Variants in BRIP1 observed in about 807,000 individuals in gnomAD.
The protein encoded by BRIP1 is Fanconi anemia group J protein.
Under a neutral mutation model 119.7 loss-of-function variants are expected in BRIP1, and 88 were observed. The ratio of observed to expected loss-of-function variants is 0.74; its 90% CI spans 0.62 to 0.88. The LOEUF (loss-of-function observed/expected upper bound fraction) is 0.88. BRIP1 is among the 40% of genes least tolerant of loss of function. The pLI is 0.00. For synonymous variants in BRIP1, 443 were observed against 496.5 expected, an observed-to-expected ratio of 0.89 and a Z score of 1.43; for missense variants, 1,259 against 1,455.4, an observed-to-expected ratio of 0.87 and a Z score of 2.20.
In BRIP1 at chr17:61,796,839, T is replaced by A. The variant is rs1206900448; in HGVS notation, c.1340+2261A>T. On this transcript the variant is annotated intron_variant, in intron 9 of 19. Coordinates refer to ENST00000259008, the MANE Select transcript of BRIP1 (RefSeq NM_032043.3). This position sits in a 1 kb window ranked among gnomAD's most constrained non-coding sequence, Gnocchi z 4.8. ...TAGGATGATAGATATGAACAATCAATGATATTGAGGAATTGGGGATATACT... is the reference window on the plus strand; with the variant it reads ...TAGGATGATAGATATGAACAATCAAAGATATTGAGGAATTGGGGATATACT... 6.6e-6 allele frequency among the ~76,000 whole-genome samples: 1 copy of A among 152,002 alleles called. No homozygotes were observed. The highest frequency in any genetic ancestry group is 1.5e-5 in the Non-Finnish European group (1 of 67,966).
In BRIP1 at chr17:61,776,407, A is replaced by G. The variant is rs2077532892; in HGVS notation, c.2091T>C (p.Ser697=). ...VSQGILCFLP[S]YKLLEKLKER... ...ACAATAAATATTCCCTTACCTTGTA[A>G]GATGGCAAGAAACACAAAATTCCTT... The change falls in exon 14 of 20, where the codon TCT becomes TCC. Residue 697 remains serine (S), a synonymous_variant. Coordinates refer to ENST00000259008, the MANE Select transcript of BRIP1 (RefSeq NM_032043.3). This position sits in a 1 kb window ranked among gnomAD's most constrained non-coding sequence, Gnocchi z 5.0. The G allele has an allele frequency of 6.2e-7, 1 of 1,614,172 alleles. No homozygotes were observed. Among genetic ancestry groups the G allele is most frequent in the East Asian group, 2.2e-5 (1 of 44,880 alleles).
chr17:61,859,109 A>G (rs550195469), intron 3 of BRIP1, among the ~76,000 whole-genome samples: 1 of 151,940 alleles, frequency 6.6e-6, no homozygotes, highest in South Asian at 2.1e-4. Context: ...TACAAACAAT[A>G]TTATACTAAA....
intron 16 of BRIP1, among the ~76,000 whole-genome samples, chr17:61,733,822 C>A (rs899890205): frequency 6.6e-6 from 1 of 150,764 alleles, no homozygotes; most frequent in East Asian, 2.0e-4. Flanking sequence ...AAAAAACCCA[C>A]AAATATAAAA....
intron 6 of BRIP1, among the ~76,000 whole-genome samples, chr17:61,826,766 G>A (rs561701461): frequency 1.4e-5 from 2 of 144,802 alleles, no homozygotes; most frequent in South Asian, 2.2e-4. Context: ...AACAGATGCC[G>A]GTGAGGTTGC....
chr17:61,710,998 A>C lies in BRIP1; in HGVS notation c.2492+4953T>G, dbSNP rs2061763137. Among the ~76,000 whole-genome samples the C allele has an allele frequency of 6.8e-6, 1 of 147,806 alleles. No individual in the cohort carries two copies. Among genetic ancestry groups the C allele is most frequent in the African/African-American group, 2.5e-5 (1 of 40,606 alleles). On this transcript the variant is annotated intron_variant, in intron 17 of 19. Coordinates refer to ENST00000259008, the MANE Select transcript of BRIP1 (RefSeq NM_032043.3). The surrounding 1 kb of genome is among the most constrained non-coding windows in gnomAD (Gnocchi z 5.4). Reference sequence around the variant, plus strand: ...GGAAGATGCAGTGAGCCAAGACTGCACCACTGCACTGGGCGACAGAGCGAG... The same window carrying C: ...GGAAGATGCAGTGAGCCAAGACTGCCCCACTGCACTGGGCGACAGAGCGAG...
intron 6 of BRIP1, among the ~76,000 whole-genome samples, chr17:61,839,839 G>C (rs62068840): frequency 6.2e-4 from 94 of 151,974 alleles, no homozygotes; most frequent in Middle Eastern, 3.2e-3. Context: ...AAATAAAACA[G>C]ATATAAAGAT....
rs150218439 is a variant in BRIP1 at position 61,807,155 on chromosome 17, G to A, written c.918+1312C>T. ...ATTCAGCAGATCACTTAGTCACTATGGAAAGCAGTCTACTTATGCATGAAA... is the reference window on the plus strand; with the variant it reads ...ATTCAGCAGATCACTTAGTCACTATAGAAAGCAGTCTACTTATGCATGAAA... On this transcript the variant is annotated intron_variant, in intron 7 of 19. Coordinates refer to ENST00000259008, the MANE Select transcript of BRIP1 (RefSeq NM_032043.3). The surrounding 1 kb of genome is among the most constrained non-coding windows in gnomAD (Gnocchi z 4.5). Among the ~76,000 whole-genome samples the A allele has an allele frequency of 1.5e-4, 23 of 152,294 alleles. No individual in the cohort carries two copies. The highest frequency in any genetic ancestry group is 2.6e-4 in the Non-Finnish European group (18 of 68,024).
intron 17 of BRIP1, among the ~76,000 whole-genome samples, chr17:61,711,787 G>C (rs1420801159): frequency 1.3e-5 from 2 of 152,012 alleles, no homozygotes; most frequent in Non-Finnish European, 2.9e-5. Flanking sequence ...AGAATCGCTT[G>C]AACCTGGGAG....
intron 16 of BRIP1, among the ~76,000 whole-genome samples, chr17:61,727,880 A>G (rs973750552): frequency 2.0e-5 from 3 of 150,952 alleles, no homozygotes; most frequent in African/African-American, 7.3e-5. Context: ...TCCAGGCTAG[A>G]GTACAGTGGC....
intron 13 of BRIP1, among the ~76,000 whole-genome samples, chr17:61,777,352 C>A (rs1413780719): frequency 6.6e-6 from 1 of 152,160 alleles, no homozygotes; most frequent in Admixed American, 6.5e-5. Flanking sequence ...GTTTTTTCCA[C>A]ATACCAAGCA....
intron 19 of BRIP1, chr17:61,685,051 A>T (rs542045513): frequency 1.3e-4 from 20 of 152,374 alleles, no homozygotes; most frequent in Admixed American, 2.6e-4. Flanking sequence ...AATGGAATAG[A>T]CCAGAGTTTG....
intron 6 of BRIP1, among the ~76,000 whole-genome samples, chr17:61,830,392 C>T (rs1053070756): frequency 6.7e-6 from 1 of 148,728 alleles, no homozygotes; most frequent in African/African-American, 2.5e-5. Context: ...ATGGATAAAC[C>T]TCTACTACCT....
In BRIP1 at chr17:61,824,655, C is replaced by T. The variant is rs1342998154; in HGVS notation, c.628-15898G>A. Reference sequence around the variant, plus strand: ...ATTATAATATATGGAAAAATTAACTCTACATGGATCAAAACCTTAAATATA... The same window carrying T: ...ATTATAATATATGGAAAAATTAACTTTACATGGATCAAAACCTTAAATATA... On this transcript the variant is annotated intron_variant, in intron 6 of 19. Coordinates refer to ENST00000259008, the MANE Select transcript of BRIP1 (RefSeq NM_032043.3). This position sits in a 1 kb window ranked among gnomAD's most constrained non-coding sequence, Gnocchi z 4.3. Among the ~76,000 whole-genome samples, 1 of 152,154 alleles carries T rather than the reference C, an allele frequency of 6.6e-6. No homozygotes were observed.
chr17:61,717,545 CTT>C lies in BRIP1; in HGVS notation c.2380-1484_2380-1483del, dbSNP rs2061898907. 6.6e-6 allele frequency among the ~76,000 whole-genome samples: 1 copy of C among 152,088 alleles called. No homozygotes were observed. Among genetic ancestry groups the C allele is most frequent in the South Asian group, 2.1e-4 (1 of 4,836 alleles). The stretch of plus-strand genomic sequence containing the variant: ...AGGTTTTTTCTTTTGTTAAAGACGG[CTT>C]TTCATTGTTTTCTGATTTGCATAGT... On this transcript the variant is annotated intron_variant, in intron 16 of 19. Coordinates refer to ENST00000259008, the MANE Select transcript of BRIP1 (RefSeq NM_032043.3). This position sits in a 1 kb window ranked among gnomAD's most constrained non-coding sequence, Gnocchi z 4.1.
chr17:61,840,375 A>AG (rs1179570291), intron 6 of BRIP1, among the ~76,000 whole-genome samples: 11 of 145,980 alleles, frequency 7.5e-5, no homozygotes, highest in Non-Finnish European at 9.1e-5. Context: ...AAAAAAAAAA[A>AG]GAAAAGGAAT....
intron 14 of BRIP1, among the ~76,000 whole-genome samples, chr17:61,771,290 TAGG>T (rs1309157068): frequency 6.6e-6 from 1 of 152,194 alleles, no homozygotes; most frequent in African/African-American, 2.4e-5. Context: ...GTTAATGAGT[TAGG>T]AGTTTCTTTT....
In BRIP1 at chr17:61,708,187, A is replaced by G. The variant is rs944473161; in HGVS notation, c.2492+7764T>C. ...TACACAATAGTCCCCCACAGCCACA[A>G]TCTTGCCTATGGTCAAAGTTACTCA... is the stretch of plus-strand genomic sequence containing the variant. On this transcript the variant is annotated intron_variant, in intron 17 of 19. Coordinates refer to ENST00000259008, the MANE Select transcript of BRIP1 (RefSeq NM_032043.3). The surrounding 1 kb of genome is among the most constrained non-coding windows in gnomAD (Gnocchi z 4.4). 6.6e-6 allele frequency among the ~76,000 whole-genome samples: 1 copy of G among 152,202 alleles called. No individual in the cohort carries two copies. Among genetic ancestry groups the G allele is most frequent in the Admixed American group, 6.5e-5 (1 of 15,290 alleles).
chr17:61,776,064 T>G lies in BRIP1; in HGVS notation c.2097+337A>C. 3.2e-6 allele frequency: 1 copy of G among 310,902 alleles called. No individual in the cohort carries two copies. The highest frequency in any genetic ancestry group is 6.2e-6 in the Non-Finnish European group (1 of 161,346). 19.3% of individuals were successfully genotyped at this position (310,902 alleles called of 1,614,324 possible). ...ACACCCAGCTAATTTTTGTATTTTG[T>G]AGAGGCAGAGTTTCACCATGTTCTC... On this transcript the variant is annotated intron_variant, in intron 14 of 19. Coordinates refer to ENST00000259008, the MANE Select transcript of BRIP1 (RefSeq NM_032043.3). The surrounding 1 kb of genome is among the most constrained non-coding windows in gnomAD (Gnocchi z 5.0).
rs935883601 is a variant in BRIP1 at position 61,709,075 on chromosome 17, T to C, written c.2492+6876A>G. On this transcript the variant is annotated intron_variant, in intron 17 of 19. Coordinates refer to ENST00000259008, the MANE Select transcript of BRIP1 (RefSeq NM_032043.3). This position sits in a 1 kb window ranked among gnomAD's most constrained non-coding sequence, Gnocchi z 5.0. ...GAGGGAGGAGGCTAATTGTTTCTTA[T>C]ACTAATTTGCAACCAAGCCACCTGT... Among the ~76,000 whole-genome samples the C allele has an allele frequency of 6.6e-6, 1 of 152,234 alleles. No individual in the cohort carries two copies. Among genetic ancestry groups the C allele is most frequent in the Non-Finnish European group, 1.5e-5 (1 of 68,042 alleles).
Sources: gnomAD v4.1 joint callset for allele counts (sites outside exome capture counted in the v4.1 genomes callset) on GRCh38, gnomAD v4.1.1 for gene constraint, Gnocchi (gnomAD v3.1) non-coding constraint, MANE v1.5 for transcripts, NCBI Gene and HGNC (gene_info 2026-07-23, HGNC 2026-07-21) for gene names.